The following ELF2 variants were observed in gnomAD, a reference collection of about 807,000 sequenced individuals.
The protein encoded by ELF2 is E74 like ETS transcription factor 2, also known as ETS-related transcription factor Elf-2.
In ELF2, 11 loss-of-function variants were observed where a neutral mutation model predicts 54.8. That is an observed-to-expected ratio of 0.20 (90% CI 0.13 to 0.33). ELF2 has a LOEUF of 0.33. Among genes scored for constraint, ELF2 ranks in the 10% least tolerant of loss-of-function variants. ELF2 has a pLI of 1.00. For missense variants in ELF2, 513 were observed against 703.0 expected, an observed-to-expected ratio of 0.73 and a Z score of 3.06; for synonymous variants, 203 against 245.1, an observed-to-expected ratio of 0.83 and a Z score of 1.61.
At chr4:139,136,144 C>T (rs1043150072) in intron 3 of ELF2, among the ~76,000 whole-genome samples, 2 of 152,090 alleles carry the variant, frequency 1.3e-5, no homozygotes, top group Non-Finnish European at 2.9e-5. Context: ...TCCCCAATCC[C>T]TAATGTCTTC....
chr4:139,084,010 CCA>C, intron 4 of ELF2: 3 of 1,516,240 alleles, frequency 2.0e-6, no homozygotes, highest in Non-Finnish European at 2.7e-6. Flanking sequence ...CCCAGCCGCC[CCA>C]GTGACTGTGA....
chr4:139,084,292 G>T, intron 4 of ELF2: 2 of 1,599,928 alleles, frequency 1.3e-6, no homozygotes, highest in South Asian at 1.1e-5. Flanking sequence ...CACGCCGTGC[G>T]ACCGACACAC....
chr4:139,067,196 C>A (rs190525577), intron 7 of ELF2: 314 of 152,114 alleles, frequency 2.1e-3, no homozygotes, highest in Non-Finnish European at 2.9e-3. Context: ...AAGGCTGAGG[C>A]GGAAAGATTA....
chr4:139,135,233 ATATATGTGTG>A (rs1386977708), intron 3 of ELF2, among the ~76,000 whole-genome samples: 17 of 90,746 alleles, frequency 1.9e-4, no homozygotes, highest in South Asian at 9.9e-4. Flanking sequence ...ATACTACTAT[ATATATGTGTG>A]TGTGTGTGTG....
intron 4 of ELF2, among the ~76,000 whole-genome samples, chr4:139,093,566 C>T (rs569037764): frequency 2.0e-5 from 3 of 152,218 alleles, no homozygotes; most frequent in South Asian, 4.1e-4. Flanking sequence ...CTTAAAGCAA[C>T]GCGAAGCAAA....
intron 4 of ELF2, among the ~76,000 whole-genome samples, chr4:139,114,627 AT>A (rs70940493): frequency 3.9e-4 from 36 of 92,974 alleles, no homozygotes; most frequent in East Asian, 1.5e-3. Flanking sequence ...ACTGACATGG[AT>A]TTTTTTTTTC....
chr4:139,105,658 G>A (rs1734340495), intron 4 of ELF2, among the ~76,000 whole-genome samples: 1 of 152,176 alleles, frequency 6.6e-6, no homozygotes, highest in Non-Finnish European at 1.5e-5. Context: ...GCCAATGTGG[G>A]AGGATCACTT....
At chr4:139,085,190 A>AT (rs1731840998) in intron 4 of ELF2, among the ~76,000 whole-genome samples, 1 of 152,238 alleles carries the variant, frequency 6.6e-6, no homozygotes. Flanking sequence ...TAATGACTAT[A>AT]AATTTACTGA....
chr4:139,062,162 T>C (rs1578657998), intron 7 of ELF2, 105 bp from the exon 8 acceptor site: 1 of 1,153,308 alleles, frequency 8.7e-7, no homozygotes, highest in East Asian at 2.6e-5. Flanking sequence ...ATCCTGAATA[T>C]ACTTGTTTCT....
chr4:139,163,757 T>C (rs1164776192), intron 1 of ELF2, among the ~76,000 whole-genome samples: 2 of 151,766 alleles, frequency 1.3e-5, no homozygotes, highest in East Asian at 1.9e-4. Context: ...CTACAAAAAA[T>C]ACAAAAACTA....
At chr4:139,104,134 C>A (rs1578805353) in intron 4 of ELF2, among the ~76,000 whole-genome samples, 1 of 151,984 alleles carries the variant, frequency 6.6e-6, no homozygotes, top group Admixed American at 6.6e-5. Flanking sequence ...CAAAAACAAA[C>A]AACAACAAAA....
At chr4:139,111,767 G>A (rs942222731) in intron 4 of ELF2, among the ~76,000 whole-genome samples, 1 of 152,082 alleles carries the variant, frequency 6.6e-6, no homozygotes, top group Admixed American at 6.6e-5. Context: ...AAAAAGAAAG[G>A]CTGGCTGAGC....
intron 2 of ELF2, among the ~76,000 whole-genome samples, chr4:139,138,853 T>C (rs909369753): frequency 1.3e-5 from 2 of 152,338 alleles, no homozygotes; most frequent in Middle Eastern, 3.4e-3. Flanking sequence ...TCCTCAATTG[T>C]TTTGATATTA....
intron 1 of ELF2, among the ~76,000 whole-genome samples, chr4:139,153,732 A>C (rs1740250506): frequency 6.6e-6 from 1 of 152,258 alleles, no homozygotes; most frequent in Non-Finnish European, 1.5e-5. Context: ...TCACAGGTAC[A>C]GGACAAACAC....
At chr4:139,122,708 A>G (rs1736508176) in intron 4 of ELF2, among the ~76,000 whole-genome samples, 1 of 151,772 alleles carries the variant, frequency 6.6e-6, no homozygotes, top group African/African-American at 2.4e-5. Context: ...TCGCCGTGTT[A>G]GCCAGGATGG....
At chr4:139,104,743 T>A (rs190201925) in intron 4 of ELF2, among the ~76,000 whole-genome samples, 8 of 152,232 alleles carry the variant, frequency 5.3e-5, no homozygotes, top group Admixed American at 1.3e-4. Context: ...ATAATGAGAT[T>A]TAGGAATACT....
intron 4 of ELF2, chr4:139,084,107 C>A (rs745591578): frequency 7.4e-6 from 12 of 1,612,904 alleles, no homozygotes; most frequent in African/African-American, 1.3e-5. Flanking sequence ...CACCGATGCA[C>A]GGGAGAAAAG....
At chr4:139,158,341 T>C (rs1050676107) in intron 1 of ELF2, among the ~76,000 whole-genome samples, 7 of 152,192 alleles carry the variant, frequency 4.6e-5, no homozygotes, top group South Asian at 4.1e-4. Flanking sequence ...ACAGGAGATA[T>C]GATGGCTTAG....
At chr4:139,166,059 T>C (rs1741686817) in intron 1 of ELF2, among the ~76,000 whole-genome samples, 1 of 152,092 alleles carries the variant, frequency 6.6e-6, no homozygotes, top group Admixed American at 6.5e-5. Flanking sequence ...AAAAACAGGC[T>C]GGGCATGGTG....
Sources: gnomAD v4.1 joint callset for allele counts (sites outside exome capture counted in the v4.1 genomes callset) on GRCh38, gnomAD v4.1.1 for gene constraint, MANE v1.5 for transcripts, NCBI Gene and HGNC (gene_info 2026-07-23, HGNC 2026-07-21) for gene names.